Variants in FRMD4A observed in about 807,000 individuals in gnomAD.
FRMD4A encodes the protein FERM domain-containing protein 4A.
In FRMD4A, 29 loss-of-function variants were observed where a neutral mutation model predicts 129.1. The observed-to-expected ratio is 0.22, with a 90% CI of 0.17 to 0.31. The LOEUF (loss-of-function observed/expected upper bound fraction) is 0.31. Among genes scored for constraint, FRMD4A ranks in the 10% least tolerant of loss-of-function variants. FRMD4A has a pLI of 1.00. For missense variants in FRMD4A, 1,272 were observed against 1,375.8 expected, an observed-to-expected ratio of 0.92 and a Z score of 1.19; for synonymous variants, 634 against 571.6, an observed-to-expected ratio of 1.11 and a Z score of -1.56.
At chr10:13,722,411 A>T (rs537655776) in intron 12 of FRMD4A, among the ~76,000 whole-genome samples, 1,846 of 142,120 alleles carry the variant, frequency 0.013, 66 homozygotes, top group South Asian at 0.11. Flanking sequence ...AAAAAAAAAA[A>T]TTTTTTTTTT....
rs2080965490 is a variant in FRMD4A at position 13,643,983 on chromosome 10, C to G, written c.*3055G>C. 6.6e-6 allele frequency: 1 copy of G among 152,564 alleles called. No individual in the cohort carries two copies. The highest frequency in any genetic ancestry group is 2.4e-5 in the African/African-American group (1 of 41,420). 9.5% of individuals were successfully genotyped at this position (152,564 alleles called of 1,614,324 possible). ...TCCATTTTACACAACTTGTAATAAA[C>G]TATTGACATTAATGTATATGTAAAA... is the stretch of plus-strand genomic sequence containing the variant. On this transcript the variant is annotated 3_prime_UTR_variant, in exon 25 of 25. Transcript: ENST00000357447.
intron 2 of FRMD4A, among the ~76,000 whole-genome samples, chr10:14,196,515 C>T (rs922075612): frequency 2.0e-5 from 3 of 152,196 alleles, no homozygotes; most frequent in Non-Finnish European, 4.4e-5. Flanking sequence ...TTTGATTTTA[C>T]ACAAGAAAAA....
chr10:13,847,344 CAG>C (rs1274533161), intron 3 of FRMD4A, among the ~76,000 whole-genome samples: 1 of 152,194 alleles, frequency 6.6e-6, no homozygotes, highest in Non-Finnish European at 1.5e-5. Flanking sequence ...AAGCCACAAA[CAG>C]AGATTCAAGG....
chr10:14,292,119 T>C (rs1387783329), intron 2 of FRMD4A, among the ~76,000 whole-genome samples: 1 of 152,200 alleles, frequency 6.6e-6, no homozygotes, highest in Non-Finnish European at 1.5e-5. Context: ...CCCAAAGTAA[T>C]CCATGTATTC....
At chr10:13,736,195 G>A (rs936949158) in intron 12 of FRMD4A, among the ~76,000 whole-genome samples, 13 of 151,836 alleles carry the variant, frequency 8.6e-5, no homozygotes, top group African/African-American at 3.1e-4. Flanking sequence ...AAAGAGAAGG[G>A]TTGTTCTAAA....
chr10:14,116,434 T>G (rs1442932970), intron 2 of FRMD4A, among the ~76,000 whole-genome samples: 1 of 152,184 alleles, frequency 6.6e-6, no homozygotes, highest in Non-Finnish European at 1.5e-5. Context: ...GTGTTTTATT[T>G]CTTGTGTATT....
At chr10:14,157,554 G>A (rs562748670) in intron 2 of FRMD4A, among the ~76,000 whole-genome samples, 4 of 152,238 alleles carry the variant, frequency 2.6e-5, no homozygotes, top group East Asian at 3.9e-4. Flanking sequence ...ACTGGAACTC[G>A]GCAAATGTCA....
At chr10:14,063,370 A>G (rs1164183768) in intron 2 of FRMD4A, among the ~76,000 whole-genome samples, 1 of 152,110 alleles carries the variant, frequency 6.6e-6, no homozygotes, top group African/African-American at 2.4e-5. Context: ...CATCGAAATG[A>G]GCCAGACATT....
intron 2 of FRMD4A, among the ~76,000 whole-genome samples, chr10:14,184,120 C>CTTTTCTT (rs1342847150): frequency 1.0e-5 from 1 of 99,642 alleles, no homozygotes; most frequent in African/African-American, 3.6e-5. Flanking sequence ...TTTTTCTTTT[C>CTTTTCTT]TTTTCTTTTT....
At chr10:13,971,129 C>T (rs1012696882) in intron 2 of FRMD4A, among the ~76,000 whole-genome samples, 9 of 151,886 alleles carry the variant, frequency 5.9e-5, no homozygotes, top group East Asian at 1.9e-4. Flanking sequence ...CACACACGCA[C>T]GCACGCGCTC....
chr10:13,670,592 A>AACAC, intron 16 of FRMD4A, 64 bp from the exon 17 acceptor site: 3 of 1,563,458 alleles, frequency 1.9e-6, no homozygotes, highest in Non-Finnish European at 2.6e-6. Flanking sequence ...TGCTTCCTAG[A>AACAC]ACACACACAC....
chr10:14,144,773 C>T lies in FRMD4A; in HGVS notation c.45+185285G>A, dbSNP rs570170751. Among the ~76,000 whole-genome samples the T allele has an allele frequency of 3.9e-5, 6 of 152,176 alleles. No homozygotes were observed. In the South Asian group the frequency reaches 8.3e-4, roughly 21 times the overall value. On this transcript the variant is annotated intron_variant, in intron 2 of 24. Coordinates refer to ENST00000357447, the MANE Select transcript of FRMD4A (RefSeq NM_018027.5). ...GCCAAATAGGGAGTAGCTTTGGAAG[C>T]GGAAACACCTAGATGCCTTCCTATG... is the stretch of plus-strand genomic sequence containing the variant.
chr10:13,965,065 ATTT>A (rs398012865), intron 2 of FRMD4A, among the ~76,000 whole-genome samples: 2 of 141,054 alleles, frequency 1.4e-5, no homozygotes, highest in African/African-American at 2.6e-5. Flanking sequence ...ACCACTGGGC[ATTT>A]TTTTTTTTTT....
intron 2 of FRMD4A, among the ~76,000 whole-genome samples, chr10:14,200,115 G>A (rs1375686296): frequency 6.8e-6 from 1 of 148,030 alleles, no homozygotes; most frequent in Non-Finnish European, 1.5e-5. Flanking sequence ...ACAGCCATGA[G>A]CTCCTGGGCT....
At chr10:13,979,885 C>A (rs1057395695) in intron 2 of FRMD4A, among the ~76,000 whole-genome samples, 1 of 152,314 alleles carries the variant, frequency 6.6e-6, no homozygotes. Flanking sequence ...TAAAATCCAC[C>A]CTGGTGCAGC....
chr10:14,098,989 A>G (rs1363396442), intron 2 of FRMD4A, among the ~76,000 whole-genome samples: 1 of 152,174 alleles, frequency 6.6e-6, no homozygotes, highest in African/African-American at 2.4e-5. Flanking sequence ...TCATCTGAAA[A>G]CATGCATTGT....
intron 2 of FRMD4A, among the ~76,000 whole-genome samples, chr10:14,266,499 C>CTGTG (rs56663050): frequency 0.016 from 2,353 of 150,428 alleles, 35 homozygotes; most frequent in African/African-American, 0.03. Context: ...ATGTTGTGCT[C>CTGTG]TGTGTGTGTG....
intron 4 of FRMD4A, among the ~76,000 whole-genome samples, chr10:13,806,074 C>T (rs529133003): frequency 1.3e-5 from 2 of 152,020 alleles, no homozygotes; most frequent in Non-Finnish European, 2.9e-5. Flanking sequence ...CCAGGGTGAT[C>T]TCGAACTCCT....
chr10:14,319,367 T>TCTCTCTCTCTCTCTCTCTCTCACACA lies in FRMD4A; in HGVS notation c.45+10690_45+10691insTGTGTGAGAGAGAGAGAGAGAGAGAG, dbSNP rs112041665. Among the ~76,000 whole-genome samples the TCTCTCTCTCTCTCTCTCTCTCACACA allele has an allele frequency of 2.0e-3, 294 of 145,114 alleles. 3 individuals carry two copies. The highest frequency in any genetic ancestry group is 7.3e-3 in the African/African-American group (272 of 37,136). On this transcript the variant is annotated intron_variant, in intron 2 of 24. Coordinates refer to ENST00000357447, the MANE Select transcript of FRMD4A (RefSeq NM_018027.5). ...TCTCTCTCCTCTCTCTCTCTCTCTC[T>TCTCTCTCTCTCTCTCTCTCTCACACA]CACACACACACACACACACATGATA...
Sources: gnomAD v4.1 joint callset for allele counts (sites outside exome capture counted in the v4.1 genomes callset) on GRCh38, gnomAD v4.1.1 for gene constraint, MANE v1.5 for transcripts, NCBI Gene and HGNC (gene_info 2026-07-23, HGNC 2026-07-21) for gene names.